The following STC2 variants were observed in gnomAD, a reference collection of about 807,000 sequenced individuals.
STC2 encodes the protein stanniocalcin-2.
In STC2, 7 loss-of-function variants were observed where a neutral mutation model predicts 22.7. That is an observed-to-expected ratio of 0.31 (90% confidence interval 0.18 to 0.58). The LOEUF is 0.58. STC2 is among the 20% of genes least tolerant of loss of function. The pLI, the probability that STC2 is intolerant of heterozygous loss-of-function variation, is 0.89. For synonymous variants in STC2, 158 were observed against 163.4 expected (o/e 0.97, Z 0.25); for missense variants, 336 against 406.2 (o/e 0.83, Z 1.48).
Position 173,318,243 on chromosome 5 carries a change from G to A in STC2, c.513C>T (p.Tyr171=), listed in dbSNP as rs777557973. The change falls in exon 4 of 4, where the codon TAC becomes TAT. Residue 171 remains tyrosine (Y), a synonymous_variant. Coordinates refer to ENST00000265087, the MANE Select transcript of STC2 (RefSeq NM_003714.3). ...HFKDLLLHEP[Y]VDLVNLLLTC... ...TCAGCAGCAAGTTCACGAGGTCCAC[G>A]TAGGGTCTAAAGATTGAAAGCAAAG... The A allele has an allele frequency of 3.4e-6, 5 of 1,465,062 alleles. No individual in the cohort carries two copies. Among genetic ancestry groups the A allele is most frequent in the East Asian group, 2.4e-5 (1 of 42,358 alleles). 90.8% of individuals were successfully genotyped at this position (1,465,062 alleles called of 1,614,324 possible).
At position 173,328,262 on chromosome 5, in the gene STC2, T is replaced by G; in HGVS notation, c.-69A>C. On this transcript the variant is annotated 5_prime_UTR_variant, in exon 1 of 4. Coordinates refer to ENST00000265087, the MANE Select transcript of STC2 (RefSeq NM_003714.3). ...TGCTCCCCTCTTCCTCCTCCTCCTC[T>G]TCCTCCTTCGCCGCTTCCCCTCCTC... 7.4e-7 allele frequency: 1 copy of G among 1,352,438 alleles called. No homozygotes were observed. Among genetic ancestry groups the G allele is most frequent in the South Asian group, 2.0e-5 (1 of 49,536 alleles). The allele number at this position is 1,352,438 out of a possible 1,614,324, so 83.8% of individuals were successfully genotyped here. A position where few individuals can be genotyped will look rare whatever the true frequency, so the allele number is the denominator to read the frequency against.
intron 3 of STC2, among the ~76,000 whole-genome samples, chr5:173,319,862 TGGGCAAA>T (rs1762465180): frequency 6.6e-6 from 1 of 152,194 alleles, no homozygotes; most frequent in Admixed American, 6.5e-5. Flanking sequence ...GCATGGCCGC[TGGGCAAA>T]GGGCTTTAAA....
chr5:173,325,780 A>G lies in STC2; in HGVS notation c.294+88T>C, dbSNP rs2113140270. 1 of 1,577,530 alleles carries G rather than the reference A, an allele frequency of 6.3e-7. No homozygotes were observed. The highest frequency in any genetic ancestry group is 2.2e-5 in the East Asian group (1 of 44,570). ...TAAAACACACCACAAGGAACAGCAA[A>G]GGAAGTTGGTTAACAAGGCTTTCCA... On this transcript the variant is annotated intron_variant, in intron 2 of 3. Coordinates refer to ENST00000265087, the MANE Select transcript of STC2 (RefSeq NM_003714.3). This position sits in a 1 kb window ranked among gnomAD's most constrained non-coding sequence, Gnocchi z 4.7.
chr5:173,319,190 G>T (rs914182992), intron 3 of STC2, among the ~76,000 whole-genome samples: 17 of 152,186 alleles, frequency 1.1e-4, no homozygotes, highest in African/African-American at 3.6e-4. Flanking sequence ...TTTACTCCAG[G>T]GGGTGGACAA....
In STC2 at chr5:173,323,272, C is replaced by A. The variant is rs1762507750; in HGVS notation, c.453G>T (p.Glu151Asp). The A allele has an allele frequency of 1.2e-6, 2 of 1,614,070 alleles. No individual in the cohort carries two copies. Among genetic ancestry groups the A allele is most frequent in the African/African-American group, 1.3e-5 (1 of 74,926 alleles). ...TCATCTCCACTATCACCCGGGTGTT[C>A]TCCTGGGCAGCCGCGCACAGGTCGT... ...LKHDLCAAAQ[E>D]NTRVIVEMIH... is the part of the protein sequence containing the mutation. The change falls in exon 3 of 4, where the codon GAG becomes GAT. Residue 151 changes from glutamate to aspartate, a missense_variant. By Grantham distance (45) the Glu-to-Asp change is conservative (BLOSUM62 2). Transcript: ENST00000265087. This position sits in a 1 kb window ranked among gnomAD's most constrained non-coding sequence, Gnocchi z 5.4.
At position 173,318,180 on chromosome 5, in the gene STC2, G is replaced by A. The variant is rs1450200705; in HGVS notation, c.576C>T (p.Ser192=). 12 of 1,572,094 alleles carry A rather than the reference G, an allele frequency of 7.6e-6. No homozygotes were observed. The highest frequency in any genetic ancestry group is 9.5e-6 in the Non-Finnish European group (11 of 1,158,962). The part of the protein sequence containing the change: ...GEEVKEAITH[S]VQVQCEQNWG... ...AGTTCTGCTCACACTGAACCTGCAC[G>A]CTGTGGGTGATGGCCTCCTTCACCT... is the stretch of plus-strand genomic sequence containing the variant. The change falls in exon 4 of 4, where the codon AGC becomes AGT. Residue 192 remains serine, a synonymous_variant. Coordinates refer to ENST00000265087, the MANE Select transcript of STC2 (RefSeq NM_003714.3).
chr5:173,318,055 A>G lies in STC2; in HGVS notation c.701T>C (p.Leu234Pro). Residue 234 changes from leucine (L) to proline (P), a missense_variant, in exon 4 of 4, where the codon CTC becomes CCC. Leu to Pro is a moderately conservative substitution (Grantham distance 98, BLOSUM62 -3). Around this residue, in one of 3 missense-constraint regions of STC2, gnomAD observed 215 missense variants for 231.5 expected, o/e 0.93. Transcript: ENST00000265087. ...TGCTTCCCCGTGGTGGGCCCTGGAGAGCTTGGTTCTGTCCACCTGGGGCTG... is the reference window on the plus strand; with the variant it reads ...TGCTTCCCCGTGGTGGGCCCTGGAGGGCTTGGTTCTGTCCACCTGGGGCTG... The part of the protein sequence containing the change: ...ERQPQVDRTK[L>P]SRAHHGEAGH... 3 of 1,606,706 alleles carry G rather than the reference A, an allele frequency of 1.9e-6. No homozygotes were observed. The highest frequency in any genetic ancestry group is 2.6e-6 in the Non-Finnish European group (3 of 1,176,334).
In STC2 at chr5:173,317,831, G is replaced by A. The variant is rs1401167631; in HGVS notation, c.*16C>T. ...GGACGGCGTGGAGGAAAGATTTCGT[G>A]GCCAGGCCTTTCATTTCACCTCCGG... On this transcript the variant is annotated 3_prime_UTR_variant, in exon 4 of 4. Coordinates refer to ENST00000265087, the MANE Select transcript of STC2 (RefSeq NM_003714.3). The A allele has an allele frequency of 6.5e-7, 1 of 1,536,972 alleles. No homozygotes were observed. The highest frequency in any genetic ancestry group is 1.4e-5 in the African/African-American group (1 of 72,642).
At chr5:173,326,718 C>G (rs1337487454) in intron 1 of STC2, 1 of 152,124 alleles carries the variant, frequency 6.6e-6, no homozygotes, top group East Asian at 1.9e-4. Flanking sequence ...ATCACCCAAT[C>G]CCCTAGAATT....
At position 173,317,643 on chromosome 5, in the gene STC2, T is replaced by A; in HGVS notation, c.*204A>T. The stretch of plus-strand genomic sequence containing the variant: ...CCTTGAGTACGTGTAAGTGCAGAAT[T>A]CACCAGGCACCCCTGAGACCCCACG... On this transcript the variant is annotated 3_prime_UTR_variant, in exon 4 of 4. Coordinates refer to ENST00000265087, the MANE Select transcript of STC2 (RefSeq NM_003714.3). 1.9e-6 allele frequency: 1 copy of A among 529,002 alleles called. No individual in the cohort carries two copies. The highest frequency in any genetic ancestry group is 4.9e-5 in the South Asian group (1 of 20,556). 32.8% of individuals were successfully genotyped at this position (529,002 alleles called of 1,614,324 possible).
chr5:173,322,107 G>A (rs1450036147), intron 3 of STC2, among the ~76,000 whole-genome samples: 1 of 152,164 alleles, frequency 6.6e-6, no homozygotes, highest in Non-Finnish European at 1.5e-5. Flanking sequence ...GGTGTGGTAG[G>A]GACATAACTG....
At chr5:173,324,036 G>A (rs1250509172) in intron 2 of STC2, 3 of 155,470 alleles carry the variant, frequency 1.9e-5, no homozygotes, top group Non-Finnish European at 4.3e-5. Flanking sequence ...TTTTGAAAAT[G>A]ACTCTACTCC....
intron 1 of STC2, among the ~76,000 whole-genome samples, chr5:173,327,027 G>T (rs934534636): frequency 7.4e-6 from 1 of 134,828 alleles, no homozygotes; most frequent in Non-Finnish European, 1.6e-5. Flanking sequence ...GTTCTCAGAG[G>T]AAGCGCCAGA....
chr5:173,325,003 T>C lies in STC2; in HGVS notation c.294+865A>G, dbSNP rs990255158. ...CCAGGCACTGCTTTGTCAGGCTCAC[T>C]ACTATATGTCAGTGGATGGGGACTG... On this transcript the variant is annotated intron_variant, in intron 2 of 3. Transcript: ENST00000265087. The surrounding 1 kb of genome is among the most constrained non-coding windows in gnomAD (Gnocchi z 4.7). 6.6e-6 allele frequency among the ~76,000 whole-genome samples: 1 copy of C among 152,230 alleles called. No homozygotes were observed. Among genetic ancestry groups the C allele is most frequent in the African/African-American group, 2.4e-5 (1 of 41,460 alleles).
chr5:173,318,632 G>T (rs761015577), intron 3 of STC2, among the ~76,000 whole-genome samples: 14 of 152,182 alleles, frequency 9.2e-5, no homozygotes, highest in Admixed American at 3.3e-4. Flanking sequence ...CTAGAGTGGA[G>T]ATGGCTCTGG....
intron 3 of STC2, among the ~76,000 whole-genome samples, chr5:173,319,082 C>T (rs894740451): frequency 6.6e-6 from 1 of 152,126 alleles, no homozygotes; most frequent in African/African-American, 2.4e-5. Flanking sequence ...AGAGACAGCT[C>T]ACTGTGCAAT....
Position 173,328,127 on chromosome 5 carries a change from G to C in STC2, c.67C>G (p.Arg23Gly), listed in dbSNP as rs759825929. 6.2e-7 allele frequency: 1 copy of C among 1,601,254 alleles called. No individual in the cohort carries two copies. Among genetic ancestry groups the C allele is most frequent in the South Asian group, 1.1e-5 (1 of 88,270 alleles). Residue 23 changes from arginine (R) to glycine (G), a missense_variant, in exon 1 of 4, where the codon CGG becomes GGG. Physicochemically the swap from Arg to Gly is moderately radical, Grantham distance 125 (BLOSUM62 -2). Transcript: ENST00000265087. The part of the protein sequence containing the change: ...ALVLATFDPA[R>G]GTDATNPPEG... ...GGTGGGTTGGTGGCGTCGGTCCCCC[G>C]CGCCGGGTCAAAGGTGGCCAACACC...
chr5:173,327,718 T>TA (rs1405413228), intron 1 of STC2, among the ~76,000 whole-genome samples: 4 of 152,148 alleles, frequency 2.6e-5, no homozygotes, highest in Non-Finnish European at 4.4e-5. Flanking sequence ...GAAGCGCGCT[T>TA]TGCACCGGAC....
In STC2 at chr5:173,325,856, AT is replaced by A. The variant is rs1561644380; in HGVS notation, c.294+11del. The A allele has an allele frequency of 6.2e-7, 1 of 1,613,990 alleles. No homozygotes were observed. On this transcript the variant is annotated intron_variant, in intron 2 of 3. Coordinates refer to ENST00000265087, the MANE Select transcript of STC2 (RefSeq NM_003714.3). This position sits in a 1 kb window ranked among gnomAD's most constrained non-coding sequence, Gnocchi z 4.7. ...ACCCCAAACATTCTTCATGCTCTGG[AT>A]GGATTTTTACCTGGGCATCAAATTT...
Sources: gnomAD v4.1 joint callset for allele counts (sites outside exome capture counted in the v4.1 genomes callset) on GRCh38, gnomAD v4.1.1 for gene constraint, gnomAD v4.1.1 regional missense constraint, Gnocchi (gnomAD v3.1) non-coding constraint, MANE v1.5 for transcripts, NCBI Gene and HGNC (gene_info 2026-07-23, HGNC 2026-07-21) for gene names.